The following STPG2 variants were observed in gnomAD, a reference collection of about 807,000 sequenced individuals.
STPG2 encodes the protein sperm tail PG-rich repeat containing 2, also known as sperm-tail PG-rich repeat-containing protein 2.
A neutral mutation model predicts 54.2 loss-of-function variants in STPG2; 56 were observed. The observed-to-expected ratio is 1.03, with a 90% CI of 0.83 to 1.29. The LOEUF is 1.29. Among genes scored for constraint, STPG2 ranks in the 50% most tolerant of loss-of-function variants. The pLI, the probability that STPG2 is intolerant of heterozygous loss-of-function variation, is 0.00. For synonymous variants in STPG2, 200 were observed against 181.8 expected, an observed-to-expected ratio of 1.10 and a Z score of -0.81; for missense variants, 596 against 544.9, an observed-to-expected ratio of 1.09 and a Z score of -0.93.
At chr4:97,516,315 G>A (rs1731074024) in intron 4 of STPG2, among the ~76,000 whole-genome samples, 1 of 151,994 alleles carries the variant, frequency 6.6e-6, no homozygotes, top group South Asian at 2.1e-4. Flanking sequence ...TAAGGTTAAA[G>A]GTAACCTAGG....
At chr4:97,947,311 T>G (rs1733270501) in intron 7 of STPG2, among the ~76,000 whole-genome samples, 2 of 152,094 alleles carry the variant, frequency 1.3e-5, no homozygotes, top group African/African-American at 2.4e-5. Flanking sequence ...TTGAGAAATC[T>G]CTAGGGTTTT....
intron 10 of STPG2, among the ~76,000 whole-genome samples, chr4:97,629,013 AT>A (rs1721154336): frequency 6.6e-6 from 1 of 152,034 alleles, no homozygotes; most frequent in African/African-American, 2.4e-5. Flanking sequence ...AAATCTTTAA[AT>A]ATCACTACTA....
intron 7 of STPG2, among the ~76,000 whole-genome samples, chr4:97,962,684 A>C (rs767319612): frequency 2.3e-4 from 35 of 152,324 alleles, no homozygotes; most frequent in Non-Finnish European, 1.2e-4. Context: ...TGATTCACTT[A>C]GTATTGCAAC....
intron 5 of STPG2, among the ~76,000 whole-genome samples, chr4:98,069,925 A>G (rs1385231312): frequency 6.6e-6 from 1 of 152,042 alleles, no homozygotes; most frequent in Non-Finnish European, 1.5e-5. Context: ...CAGGTTTGCC[A>G]GCAGCTCTGA....
At chr4:97,461,229 C>G (rs1193108640) in intron 4 of STPG2, among the ~76,000 whole-genome samples, 1 of 152,068 alleles carries the variant, frequency 6.6e-6, no homozygotes, top group Non-Finnish European at 1.5e-5. Context: ...ACATCTTTTC[C>G]AACATTTGGT....
At chr4:97,507,885 C>G (rs1730886888) in intron 4 of STPG2, among the ~76,000 whole-genome samples, 1 of 152,012 alleles carries the variant, frequency 6.6e-6, no homozygotes, top group Non-Finnish European at 1.5e-5. Context: ...GCTTTAACAT[C>G]CAAAGATTTT....
chr4:98,078,379 C>A (rs1037685387), intron 5 of STPG2, among the ~76,000 whole-genome samples: 4 of 151,958 alleles, frequency 2.6e-5, no homozygotes, highest in African/African-American at 9.7e-5. Flanking sequence ...GCTAAGTATT[C>A]CAATTCCCCA....
chr4:98,013,279 C>G (rs1310811967), intron 5 of STPG2, among the ~76,000 whole-genome samples: 4 of 152,150 alleles, frequency 2.6e-5, no homozygotes, highest in East Asian at 1.9e-4. Context: ...GTTAAAGCAG[C>G]CTTGCATCCC....
At chr4:97,821,494 C>T (rs954067857) in intron 9 of STPG2, among the ~76,000 whole-genome samples, 12 of 152,184 alleles carry the variant, frequency 7.9e-5, no homozygotes, top group African/African-American at 2.9e-4. Context: ...GCCCCCTTCC[C>T]ACATTTCCAG....
At chr4:97,981,135 G>C in intron 6 of STPG2, 24 bp downstream of exon 6, 1 of 1,610,262 alleles carries the variant, frequency 6.2e-7, no homozygotes, top group Non-Finnish European at 8.5e-7. Context: ...CCAAAGAGTA[G>C]ACATATATAG....
chr4:97,776,084 G>T (rs1029094882), intron 9 of STPG2, among the ~76,000 whole-genome samples: 1 of 152,056 alleles, frequency 6.6e-6, no homozygotes, highest in Admixed American at 6.6e-5. Flanking sequence ...TTTAAAATAT[G>T]CAAAATATCA....
chr4:97,484,775 AAT>A (rs1421183029), intron 4 of STPG2, among the ~76,000 whole-genome samples: 28 of 151,868 alleles, frequency 1.8e-4, no homozygotes, highest in Admixed American at 1.8e-3. Flanking sequence ...ATTACAGACC[AAT>A]ATCCCTGATG....
intron 9 of STPG2, among the ~76,000 whole-genome samples, chr4:97,766,661 T>A (rs2149058536): frequency 6.6e-6 from 1 of 152,152 alleles, no homozygotes; most frequent in East Asian, 1.9e-4. Flanking sequence ...TAATTAAAAA[T>A]CAATGAATCA....
chr4:97,609,932 T>C lies in STPG2; in HGVS notation c.1321-50815A>G, dbSNP rs971487780. On this transcript the variant is annotated intron_variant, in intron 10 of 10. Transcript: ENST00000295268. ...AGTAAAAACTGAGCAAAAATGTATA[T>C]GTATATATATATTATATGTGTATTT... Among the ~76,000 whole-genome samples, 3 of 151,886 alleles carry C rather than the reference T, an allele frequency of 2.0e-5. No individual in the cohort carries two copies. In the East Asian group the frequency reaches 5.8e-4, roughly 29 times the overall value.
rs112987160 is a variant in STPG2 at position 97,964,835 on chromosome 4, C to A, written c.933+7445G>T. On this transcript the variant is annotated intron_variant, in intron 7 of 10. Coordinates refer to ENST00000295268, the MANE Select transcript of STPG2 (RefSeq NM_174952.3). ...GAAATATGAATCTCTGCAGTTTTCA[C>A]CTATTGGTCTTGACAGAATCCCATA... is the stretch of plus-strand genomic sequence containing the variant. Among the ~76,000 whole-genome samples, 38 of 152,302 alleles carry A rather than the reference C, an allele frequency of 2.5e-4. 1 individual carries two copies. The East Asian group carries it at 7.2e-3, about 29-fold the overall frequency.
intron 8 of STPG2, among the ~76,000 whole-genome samples, chr4:97,929,972 T>G: frequency 6.6e-6 from 1 of 152,142 alleles, no homozygotes; most frequent in East Asian, 1.9e-4. Flanking sequence ...TGATCTCAGC[T>G]CACTGCAACC....
intron 4 of STPG2, among the ~76,000 whole-genome samples, chr4:97,459,211 G>A (rs1729598383): frequency 6.6e-6 from 1 of 151,992 alleles, no homozygotes; most frequent in South Asian, 2.1e-4. Context: ...AGGCAGAAAG[G>A]AAGAGTGCAA....
At chr4:98,095,598 G>T (rs1738833642) in intron 5 of STPG2, among the ~76,000 whole-genome samples, 1 of 152,058 alleles carries the variant, frequency 6.6e-6, no homozygotes, top group Non-Finnish European at 1.5e-5. Flanking sequence ...ATGACAAAGT[G>T]GTCAATTTAG....
chr4:97,970,517 C>A (rs1362868816), intron 7 of STPG2, among the ~76,000 whole-genome samples: 1 of 152,148 alleles, frequency 6.6e-6, no homozygotes, highest in African/African-American at 2.4e-5. Flanking sequence ...ACATCTACAA[C>A]CATCTGATCT....
Sources: allele counts gnomAD v4.1 joint callset (sites outside exome capture counted in the v4.1 genomes callset), GRCh38; gene constraint gnomAD v4.1.1; transcripts MANE v1.5; gene names NCBI Gene and HGNC (gene_info 2026-07-23, HGNC 2026-07-21).